Variants in MTFR1 observed in about 807,000 individuals in gnomAD.
MTFR1 encodes the protein chondrocyte protein with a poly-proline region.
In MTFR1, 28 loss-of-function variants were observed where a neutral mutation model predicts 38.8. The observed-to-expected ratio is 0.72, with a 90% CI of 0.53 to 0.99. The LOEUF is 0.99. Ranked by LOEUF, MTFR1 falls within the 50% of genes least tolerant of loss-of-function variation. The pLI, the probability that MTFR1 is intolerant of heterozygous loss-of-function variation, is 0.00. For synonymous variants in MTFR1, 145 were observed against 137.0 expected, an observed-to-expected ratio of 1.06 and a Z score of -0.41; for missense variants, 358 against 395.5, an observed-to-expected ratio of 0.91 and a Z score of 0.81.
At chr8:65,767,415 A>G (rs1442639167) in intron 3 of MTFR1, among the ~76,000 whole-genome samples, 4 of 152,210 alleles carry the variant, frequency 2.6e-5, no homozygotes, top group Non-Finnish European at 4.4e-5. Flanking sequence ...TGATGTATAT[A>G]TTGGTTTTCA....
At chr8:65,726,793 A>C in intron 3 of MTFR1, 2 of 748,000 alleles carry the variant, frequency 2.7e-6, no homozygotes, top group Non-Finnish European at 4.6e-6. Flanking sequence ...GAACATAACA[A>C]TTTTTAAAAC....
At chr8:65,653,567 A>G (rs1270038493) in intron 1 of MTFR1, among the ~76,000 whole-genome samples, 3 of 152,186 alleles carry the variant, frequency 2.0e-5, no homozygotes, top group African/African-American at 7.2e-5. Flanking sequence ...TAAAACATTA[A>G]GAGCATCCAG....
At chr8:65,734,967 A>G in intron 3 of MTFR1, 1 of 942,146 alleles carries the variant, frequency 1.1e-6, no homozygotes, top group Non-Finnish European at 1.7e-6. Context: ...TGTGATAATT[A>G]TGAGTTACCC....
At chr8:65,707,544 G>A (rs572033389) in intron 6 of MTFR1, among the ~76,000 whole-genome samples, 7 of 152,276 alleles carry the variant, frequency 4.6e-5, no homozygotes, top group East Asian at 1.9e-4. Flanking sequence ...CAATAAAGGC[G>A]TGCTGTGTAC....
chr8:65,757,880 G>T (rs1413887024), intron 3 of MTFR1, among the ~76,000 whole-genome samples: 1 of 152,170 alleles, frequency 6.6e-6, no homozygotes, highest in Non-Finnish European at 1.5e-5. Context: ...GCCTCCCAAA[G>T]TGCTGGGATT....
intron 3 of MTFR1, among the ~76,000 whole-genome samples, chr8:65,740,583 G>A (rs761717411): frequency 2.0e-5 from 3 of 152,062 alleles, no homozygotes; most frequent in African/African-American, 2.4e-5. Context: ...TGTATTTTTA[G>A]TAGAGACAGG....
chr8:65,679,117 T>G (rs1804804039), intron 2 of MTFR1, among the ~76,000 whole-genome samples: 1 of 152,190 alleles, frequency 6.6e-6, no homozygotes, highest in African/African-American at 2.4e-5. Context: ...GACCTTTGCT[T>G]GCTGGAGGGG....
intron 3 of MTFR1, among the ~76,000 whole-genome samples, chr8:65,687,597 G>A (rs1027838856): frequency 1.3e-5 from 2 of 151,814 alleles, no homozygotes; most frequent in African/African-American, 2.4e-5. Flanking sequence ...CGCCCGCCTC[G>A]GCCTCCCAAA....
intron 1 of MTFR1, among the ~76,000 whole-genome samples, chr8:65,651,547 T>C (rs978777994): frequency 1.3e-5 from 2 of 152,238 alleles, no homozygotes; most frequent in East Asian, 1.9e-4. Flanking sequence ...GCACCATTTA[T>C]TGAAGAGACT....
At chr8:65,695,135 C>T (rs1326523018) in intron 4 of MTFR1, among the ~76,000 whole-genome samples, 1 of 152,056 alleles carries the variant, frequency 6.6e-6, no homozygotes, top group East Asian at 1.9e-4. Context: ...AGAGCCAGAC[C>T]AAGAAATAGA....
intron 3 of MTFR1, among the ~76,000 whole-genome samples, chr8:65,692,504 A>AT (rs967122639): frequency 6.6e-6 from 1 of 151,932 alleles, no homozygotes; most frequent in Non-Finnish European, 1.5e-5. Flanking sequence ...CGCCTGGCTA[A>AT]TTTTTTTGTA....
chr8:65,681,555 C>T (rs914915364), intron 2 of MTFR1, among the ~76,000 whole-genome samples: 3 of 152,022 alleles, frequency 2.0e-5, no homozygotes, highest in African/African-American at 7.2e-5. Flanking sequence ...GTGTAGCACT[C>T]AAAACAGATG....
At chr8:65,653,568 G>C (rs1809177445) in intron 1 of MTFR1, among the ~76,000 whole-genome samples, 1 of 152,054 alleles carries the variant, frequency 6.6e-6, no homozygotes, top group Non-Finnish European at 1.5e-5. Context: ...AAAACATTAA[G>C]AGCATCCAGA....
chr8:65,709,549 A>G lies in MTFR1; in HGVS notation c.*505A>G, dbSNP rs1389746061. 1.3e-5 allele frequency: 2 copies of G among 152,948 alleles called. No homozygotes were observed. Among genetic ancestry groups the G allele is most frequent in the African/African-American group, 4.8e-5 (2 of 41,460 alleles). The allele number at this position is 152,948 out of a possible 1,614,324, so 9.5% of individuals were successfully genotyped here. A position where few individuals can be genotyped will look rare whatever the true frequency, so the allele number is the denominator to read the frequency against. ...GTATAACATAAGTTGTTGGCATGAAATATTTGAGATTGGAAACTTCTTGCC... is the reference window on the plus strand; with the variant it reads ...GTATAACATAAGTTGTTGGCATGAAGTATTTGAGATTGGAAACTTCTTGCC... On this transcript the variant is annotated 3_prime_UTR_variant, in exon 8 of 8. Coordinates refer to ENST00000262146, the MANE Select transcript of MTFR1 (RefSeq NM_014637.4).
rs531136296 is a variant in MTFR1 at position 65,750,700 on chromosome 8, G to GC, written c.*49-20243dup. Among the ~76,000 whole-genome samples, 143 of 151,992 alleles carry GC rather than the reference G, an allele frequency of 9.4e-4. 1 individual carries two copies. The highest frequency in any genetic ancestry group is 8.5e-3 in the South Asian group (41 of 4,814). The stretch of plus-strand genomic sequence containing the variant: ...CAATTGGTACTGTCTGGGAGCCAAG[G>GC]CCCCAACCATGAAATCATGGTTGTA... On this transcript the variant is annotated intron_variant, in intron 3 of 3. Coordinates refer to the MTFR1 transcript ENST00000521247.
intron 5 of MTFR1, 112 bp from the exon 6 acceptor site, chr8:65,706,898 G>C (rs1805794784): frequency 1.7e-5 from 20 of 1,202,320 alleles, no homozygotes; most frequent in Non-Finnish European, 2.3e-5. Context: ...GAAACGTTAA[G>C]AATATTGTTT....
intron 1 of MTFR1, among the ~76,000 whole-genome samples, chr8:65,656,459 G>C (rs1002624181): frequency 6.7e-6 from 1 of 150,258 alleles, no homozygotes; most frequent in African/African-American, 2.4e-5. Context: ...TCAGCCTCCT[G>C]AGTCAGTAGG....
intron 1 of MTFR1, among the ~76,000 whole-genome samples, chr8:65,656,302 A>G (rs1438268081): frequency 6.6e-6 from 1 of 151,952 alleles, no homozygotes; most frequent in Admixed American, 6.6e-5. Context: ...ATAGTCTCAA[A>G]ATAAAGGACA....
At chr8:65,772,971 G>T (rs1001879318), downstream of MTFR1, among the ~76,000 whole-genome samples, 47 of 152,258 alleles carry the variant, frequency 3.1e-4, no homozygotes, top group African/African-American at 9.6e-4. Context: ...TCGTGCCACT[G>T]CACTCCAGCC....
Sources: gnomAD v4.1 joint callset for allele counts (sites outside exome capture counted in the v4.1 genomes callset) on GRCh38, gnomAD v4.1.1 for gene constraint, MANE v1.5 for transcripts, NCBI Gene and HGNC (gene_info 2026-07-23, HGNC 2026-07-21) for gene names.